The following ANKS1B variants were observed in gnomAD, a reference collection of about 807,000 sequenced individuals.
The protein encoded by ANKS1B is ankyrin repeat and sterile alpha motif domain containing 1B.
Under a neutral mutation model 148.3 loss-of-function variants are expected in ANKS1B, and 36 were observed. The ratio of observed to expected loss-of-function variants is 0.24; its 90% CI spans 0.19 to 0.32. The LOEUF (loss-of-function observed/expected upper bound fraction) is 0.32, where lower values mean the gene tolerates loss of function less well. Ranked by LOEUF, ANKS1B falls within the 10% of genes least tolerant of loss-of-function variation. The pLI is 1.00. For missense variants in ANKS1B, 1,157 were observed against 1,542.6 expected (o/e 0.75, Z 4.19); for synonymous variants, 542 against 560.8 (o/e 0.97, Z 0.47).
chr12:99,850,573 G>T (rs1180536625), intron 1 of ANKS1B, among the ~76,000 whole-genome samples: 1 of 151,810 alleles, frequency 6.6e-6, no homozygotes. Flanking sequence ...ACAAATATAT[G>T]ATAGCTATTT....
intron 15 of ANKS1B, among the ~76,000 whole-genome samples, chr12:99,095,769 T>C (rs1166772514): frequency 1.3e-5 from 2 of 152,170 alleles, no homozygotes; most frequent in Non-Finnish European, 2.9e-5. Flanking sequence ...GAAGGGATAC[T>C]AGGAAGAATG....
intron 22 of ANKS1B, among the ~76,000 whole-genome samples, chr12:98,785,981 G>A (rs570144590): frequency 3.0e-4 from 45 of 152,136 alleles, no homozygotes; most frequent in Admixed American, 9.2e-4. Flanking sequence ...GCATTTTTCA[G>A]GTTTCCCAAT....
intron 17 of ANKS1B, among the ~76,000 whole-genome samples, chr12:98,941,517 T>C (rs2099836625): frequency 6.6e-6 from 1 of 152,262 alleles, no homozygotes; most frequent in Non-Finnish European, 1.5e-5. Flanking sequence ...GCTCTGAGCA[T>C]GTGCATGCCC....
At chr12:98,876,875 C>T (rs2099692239) in intron 17 of ANKS1B, among the ~76,000 whole-genome samples, 1 of 152,172 alleles carries the variant, frequency 6.6e-6, no homozygotes, top group Non-Finnish European at 1.5e-5. Context: ...AAAAATGCAT[C>T]AAAGCACTGT....
chr12:99,508,068 C>T (rs934877752), intron 9 of ANKS1B, among the ~76,000 whole-genome samples: 1 of 151,792 alleles, frequency 6.6e-6, no homozygotes, highest in African/African-American at 2.4e-5. Context: ...TGCTTTCAAA[C>T]TTTATATATA....
At chr12:99,776,585 A>G (rs1323002110) in intron 6 of ANKS1B, among the ~76,000 whole-genome samples, 1 of 152,238 alleles carries the variant, frequency 6.6e-6, no homozygotes, top group African/African-American at 2.4e-5. Flanking sequence ...AGAACAAATG[A>G]CCAATCTAAA....
chr12:99,762,213 G>A (rs2062192246), intron 8 of ANKS1B, among the ~76,000 whole-genome samples: 1 of 151,936 alleles, frequency 6.6e-6, no homozygotes, highest in South Asian at 2.1e-4. Flanking sequence ...AATTCACATG[G>A]AATCAAAAAC....
chr12:98,930,684 C>A (rs987167308), intron 17 of ANKS1B, among the ~76,000 whole-genome samples: 7 of 151,250 alleles, frequency 4.6e-5, no homozygotes, highest in African/African-American at 1.7e-4. Context: ...AAAAAGACCA[C>A]ATATTGTACG....
chr12:98,768,901 C>T (rs1288473715), intron 25 of ANKS1B, among the ~76,000 whole-genome samples: 1 of 151,962 alleles, frequency 6.6e-6, no homozygotes, highest in Non-Finnish European at 1.5e-5. Context: ...TCCAGGCCTC[C>T]TTTCTCGGAC....
At chr12:99,391,533 G>A (rs2094068474) in intron 12 of ANKS1B, among the ~76,000 whole-genome samples, 1 of 152,082 alleles carries the variant, frequency 6.6e-6, no homozygotes, top group Non-Finnish European at 1.5e-5. Flanking sequence ...GTTGGCATGA[G>A]ATCAGTCACC....
At position 98,781,280 on chromosome 12, in the gene ANKS1B, AG is replaced by A. The variant is rs557975760; in HGVS notation, c.3355-78del. ...GAAGCACACAATTTTTCCTCCTGAAAGATAAAGATGAGCTCAAATTAAAAAC... is the reference window on the plus strand; with the variant it reads ...GAAGCACACAATTTTTCCTCCTGAAAATAAAGATGAGCTCAAATTAAAAAC... On this transcript the variant is annotated intron_variant, in intron 23 of 26. Coordinates refer to ENST00000683438, the MANE Select transcript of ANKS1B (RefSeq NM_001352186.2). 1.1e-3 allele frequency: 885 copies of A among 808,020 alleles called. 9 individuals are homozygous for A. In the African/African-American group the frequency reaches 0.013, roughly 11 times the overall value. The allele number at this position is 808,020 out of a possible 1,614,324, so 50.1% of individuals were successfully genotyped here. A position where few individuals can be genotyped will look rare whatever the true frequency, so the allele number is the denominator to read the frequency against.
At chr12:98,743,936 A>G (rs1452566979), downstream of ANKS1B, 8 of 910,568 alleles carry the variant, frequency 8.8e-6, no homozygotes, top group Non-Finnish European at 1.0e-5. Flanking sequence ...CCTAAATGGG[A>G]GTGGGGAAGG....
chr12:99,453,264 T>C (rs1482162414), intron 10 of ANKS1B, among the ~76,000 whole-genome samples: 2 of 151,846 alleles, frequency 1.3e-5, no homozygotes, highest in Admixed American at 6.6e-5. Context: ...CACTCCAGCC[T>C]GGGTGACAGA....
chr12:99,115,490 G>C (rs1460588258), intron 15 of ANKS1B, among the ~76,000 whole-genome samples: 6 of 152,138 alleles, frequency 3.9e-5, no homozygotes, highest in Admixed American at 1.3e-4. Flanking sequence ...TGGGAGAAGG[G>C]AGAAGAGCAG....
chr12:98,928,760 C>A (rs998533633), intron 17 of ANKS1B, among the ~76,000 whole-genome samples: 3 of 151,846 alleles, frequency 2.0e-5, no homozygotes, highest in African/African-American at 7.2e-5. Context: ...AAAAATCATT[C>A]AACAAACCAG....
intron 14 of ANKS1B, among the ~76,000 whole-genome samples, chr12:99,196,263 T>C (rs1383654149): frequency 1.3e-5 from 2 of 152,198 alleles, no homozygotes; most frequent in East Asian, 3.8e-4. Flanking sequence ...TTCCAAGTAG[T>C]CCATTTAAAG....
intron 1 of ANKS1B, among the ~76,000 whole-genome samples, chr12:99,840,442 T>TGCTCTGCTAAGA (rs2085534997): frequency 6.6e-6 from 1 of 152,104 alleles, no homozygotes; most frequent in East Asian, 1.9e-4. Context: ...ATCTGACTTG[T>TGCTCTGCTAAGA]ATTCTGCTGC....
intron 10 of ANKS1B, among the ~76,000 whole-genome samples, chr12:99,459,455 G>A (rs2095908838): frequency 6.6e-6 from 1 of 151,992 alleles, no homozygotes; most frequent in African/African-American, 2.4e-5. Flanking sequence ...AATCAATAAA[G>A]AGGAAGTTAA....
intron 12 of ANKS1B, among the ~76,000 whole-genome samples, chr12:99,295,428 G>A (rs1334335013): frequency 6.6e-6 from 1 of 152,148 alleles, no homozygotes. Flanking sequence ...GGATTTGACA[G>A]TTCTTCACAT....
Sources: gnomAD v4.1 joint callset for allele counts (sites outside exome capture counted in the v4.1 genomes callset) on GRCh38, gnomAD v4.1.1 for gene constraint, MANE v1.5 for transcripts, NCBI Gene and HGNC (gene_info 2026-07-23, HGNC 2026-07-21) for gene names.